PDE3A: variants seen among roughly 807,000 people sequenced by gnomAD.
PDE3A encodes phosphodiesterase 3A, also known as cGMP-inhibited 3',5'-cyclic phosphodiesterase 3A.
PDE3A carries 43 observed loss-of-function variants against 98.3 expected under a neutral mutation model. That is an observed-to-expected ratio of 0.44 (90% CI 0.34 to 0.56). The LOEUF (loss-of-function observed/expected upper bound fraction) is 0.56, where lower values mean the gene tolerates loss of function less well. Ranked by LOEUF, PDE3A falls within the 20% of genes least tolerant of loss-of-function variation. The pLI is 0.01. For synonymous variants in PDE3A, 663 were observed against 567.9 expected, an observed-to-expected ratio of 1.17 and a Z score of -2.38; for missense variants, 1,427 against 1,440.7, an observed-to-expected ratio of 0.99 and a Z score of 0.15.
At position 20,552,969 on chromosome 12, in the gene PDE3A, C is replaced by T. The variant is rs1942257043; in HGVS notation, c.961-3691C>T. 13 of 1,575,448 alleles carry T rather than the reference C, an allele frequency of 8.3e-6. No individual in the cohort carries two copies. The highest frequency in any genetic ancestry group is 2.4e-5 in the East Asian group (1 of 42,346). ...TGCAGGTGAACCAGCCTCTGCAGAC[C>T]GTCCTCAACCAGCTCTTCCCCGGCT... On this transcript the variant is annotated intron_variant, in intron 1 of 15. Coordinates refer to ENST00000359062, the MANE Select transcript of PDE3A (RefSeq NM_000921.5). This position sits in a 1 kb window ranked among gnomAD's most constrained non-coding sequence, Gnocchi z 5.1.
Position 20,473,951 on chromosome 12 carries a change from G to A in PDE3A, c.961-82709G>A, listed in dbSNP as rs74066422. ...ATCAACAATATGAATAAAATTATAT[G>A]TGGCTTTTAGTGCACATGTACAAGT... is the stretch of plus-strand genomic sequence containing the variant. On this transcript the variant is annotated intron_variant, in intron 1 of 15. Transcript: ENST00000359062. Among the ~76,000 whole-genome samples, 1,238 of 152,142 alleles carry A rather than the reference G, an allele frequency of 8.1e-3. 15 individuals carry two copies. The highest frequency in any genetic ancestry group is 0.029 in the African/African-American group (1,189 of 41,496).
At chr12:20,674,938 T>C (rs547992773) in intron 15 of PDE3A, among the ~76,000 whole-genome samples, 144 of 152,138 alleles carry the variant, frequency 9.5e-4, no homozygotes, top group African/African-American at 3.4e-3. Flanking sequence ...TTTTATTTTA[T>C]TTAGTTCTCT....
At chr12:20,659,055 CT>C (rs1442818470) in intron 15 of PDE3A, among the ~76,000 whole-genome samples, 1 of 152,096 alleles carries the variant, frequency 6.6e-6, no homozygotes, top group African/African-American at 2.4e-5. Context: ...CTGTAAACTC[CT>C]TTAAGGCAAG....
intron 1 of PDE3A, among the ~76,000 whole-genome samples, chr12:20,438,983 C>T (rs139148760): frequency 5.3e-5 from 8 of 151,976 alleles, no homozygotes; most frequent in Admixed American, 2.6e-4. Context: ...TTAGTGAAGA[C>T]GGGGTTTCAC....
chr12:20,474,043 T>TC (rs1945485165), intron 1 of PDE3A, among the ~76,000 whole-genome samples: 1 of 152,166 alleles, frequency 6.6e-6, no homozygotes, highest in Admixed American at 6.5e-5. Flanking sequence ...TTGTTCAGCT[T>TC]TCCTAAATAG....
intron 1 of PDE3A, among the ~76,000 whole-genome samples, chr12:20,391,142 A>G (rs1471630511): frequency 1.3e-5 from 2 of 151,696 alleles, no homozygotes; most frequent in Non-Finnish European, 2.9e-5. Context: ...CTAGTTAAAA[A>G]CTTACTTTAT....
Position 20,459,950 on chromosome 12 carries a change from G to A in PDE3A, c.960+89706G>A, listed in dbSNP as rs79656572. On this transcript the variant is annotated intron_variant, in intron 1 of 15. Transcript: ENST00000359062. ...AAATAGTGTTTGATACTGAGTTGCA[G>A]GAGAGGCTGGTGCTTCTGCTGCAAT... 1.2e-3 allele frequency among the ~76,000 whole-genome samples: 177 copies of A among 152,328 alleles called. 1 individual carries two copies. Among genetic ancestry groups the A allele is most frequent in the African/African-American group, 4.2e-3 (176 of 41,582 alleles).
At chr12:20,517,371 T>C (rs990609241) in intron 1 of PDE3A, among the ~76,000 whole-genome samples, 3 of 152,210 alleles carry the variant, frequency 2.0e-5, no homozygotes, top group African/African-American at 7.2e-5. Flanking sequence ...TGTGACACTT[T>C]GAACAACGGG....
chr12:20,414,471 T>C (rs11045228), intron 1 of PDE3A, among the ~76,000 whole-genome samples: 93,892 of 152,136 alleles, frequency 0.62, 30,750 homozygotes, highest in East Asian at 0.88. Context: ...CCTAAGTCTA[T>C]GTTTCTTGTG....
intron 1 of PDE3A, among the ~76,000 whole-genome samples, chr12:20,384,206 ATTTTATCTTC>A: frequency 7.3e-6 from 1 of 136,276 alleles, no homozygotes; most frequent in Admixed American, 7.3e-5. Context: ...TTTTTCTCTA[ATTTTATCTTC>A]TGCCTACACC....
intron 1 of PDE3A, among the ~76,000 whole-genome samples, chr12:20,382,669 A>G (rs1943682918): frequency 6.6e-6 from 1 of 151,976 alleles, no homozygotes. Context: ...AATATATACC[A>G]GTTTCTTAAA....
At chr12:20,614,065 G>A (rs1943937861) in intron 3 of PDE3A, among the ~76,000 whole-genome samples, 1 of 152,084 alleles carries the variant, frequency 6.6e-6, no homozygotes, top group African/African-American at 2.4e-5. Flanking sequence ...TGCAGATTCT[G>A]TTTAAAATTC....
intron 5 of PDE3A, among the ~76,000 whole-genome samples, chr12:20,624,921 C>T (rs544858760): frequency 6.6e-6 from 1 of 152,210 alleles, no homozygotes; most frequent in Non-Finnish European, 1.5e-5. Flanking sequence ...GAAGAGCCCC[C>T]TCGTGGCAAA....
chr12:20,431,031 A>G (rs1172137237), intron 1 of PDE3A, among the ~76,000 whole-genome samples: 1 of 152,120 alleles, frequency 6.6e-6, no homozygotes, highest in East Asian at 1.9e-4. Context: ...AAAAATCTCT[A>G]TTCTATCCAC....
Position 20,682,494 on chromosome 12 carries a change from T to A in PDE3A, c.*2223T>A, listed in dbSNP as rs916887434. The A allele has an allele frequency of 1.3e-5, 2 of 152,142 alleles. No homozygotes were observed. Among genetic ancestry groups the A allele is most frequent in the Non-Finnish European group, 2.9e-5 (2 of 68,018 alleles). The allele number at this position is 152,142 out of a possible 1,614,324, so 9.4% of individuals were successfully genotyped here. A position where few individuals can be genotyped will look rare whatever the true frequency, so the allele number is the denominator to read the frequency against. ...AAATATACATGGTTTCAAGGCAAAT[T>A]CTCCAATAAGTTGGAAAATGTAAAA... On this transcript the variant is annotated 3_prime_UTR_variant, in exon 16 of 16. Coordinates refer to ENST00000359062, the MANE Select transcript of PDE3A (RefSeq NM_000921.5).
At chr12:20,638,974 C>A (rs1944583126) in intron 9 of PDE3A, among the ~76,000 whole-genome samples, 1 of 152,004 alleles carries the variant, frequency 6.6e-6, no homozygotes, top group Non-Finnish European at 1.5e-5. Flanking sequence ...CAGATTTATC[C>A]ATATCAGAAG....
chr12:20,518,805 C>T (rs905961310), intron 1 of PDE3A, among the ~76,000 whole-genome samples: 11 of 152,182 alleles, frequency 7.2e-5, no homozygotes, highest in South Asian at 4.1e-4. Context: ...ATTCTCCAGA[C>T]GCAACACTTA....
rs112171547 is a variant in PDE3A, at chr12:20,647,009, T to C, written c.2565+59T>C. 67 of 1,215,442 alleles carry C rather than the reference T, an allele frequency of 5.5e-5. 1 individual carries two copies. In the African/African-American group the frequency reaches 7.8e-4, roughly 14 times the overall value. The allele number at this position is 1,215,442 out of a possible 1,614,324, so 75.3% of individuals were successfully genotyped here. A position where few individuals can be genotyped will look rare whatever the true frequency, so the allele number is the denominator to read the frequency against. Reference sequence around the variant, plus strand: ...TTAAAGATTTCTCAAGAAAGTGAAGTTCAGTGTGATTTATAACAGGCACCA... The same window carrying C: ...TTAAAGATTTCTCAAGAAAGTGAAGCTCAGTGTGATTTATAACAGGCACCA... On this transcript the variant is annotated intron_variant, in intron 12 of 15. Coordinates refer to ENST00000359062, the MANE Select transcript of PDE3A (RefSeq NM_000921.5).
Position 20,527,753 on chromosome 12 carries a change from A to G in PDE3A, c.961-28907A>G, listed in dbSNP as rs748323771. On this transcript the variant is annotated intron_variant, in intron 1 of 15. Coordinates refer to ENST00000359062, the MANE Select transcript of PDE3A (RefSeq NM_000921.5). ...GACAAAGAACCCAGTCTCTTGAATAAAGGTTTATACTGGCACTCTTTGATG... is the reference window on the plus strand; with the variant it reads ...GACAAAGAACCCAGTCTCTTGAATAGAGGTTTATACTGGCACTCTTTGATG... Among the ~76,000 whole-genome samples the G allele has an allele frequency of 7.2e-5, 11 of 152,280 alleles. No homozygotes were observed. In the South Asian group the frequency reaches 1.0e-3, roughly 14 times the overall value.
Sources: allele counts gnomAD v4.1 joint callset (sites outside exome capture counted in the v4.1 genomes callset), GRCh38; gene constraint gnomAD v4.1.1; non-coding constraint Gnocchi (gnomAD v3.1); transcripts MANE v1.5; gene names NCBI Gene and HGNC (gene_info 2026-07-23, HGNC 2026-07-21).